Variants in DLG2 observed in about 807,000 individuals in gnomAD.
DLG2 encodes discs large MAGUK scaffold protein 2, also known as disks large homolog 2.
Under a neutral mutation model 132.5 loss-of-function variants are expected in DLG2, and 45 were observed. The ratio of observed to expected loss-of-function variants is 0.34; its 90% confidence interval spans 0.27 to 0.44. The LOEUF (loss-of-function observed/expected upper bound fraction) is 0.44, where lower values mean the gene tolerates loss of function less well. Ranked by LOEUF, DLG2 falls within the 20% of genes least tolerant of loss-of-function variation. The probability of loss-of-function intolerance (pLI) is 1.00; values close to 1 mark genes in which losing one functional copy is unlikely to be tolerated. For missense variants in DLG2, 1,045 were observed against 1,196.9 expected, an observed-to-expected ratio of 0.87 and a Z score of 1.87; for synonymous variants, 424 against 419.6, an observed-to-expected ratio of 1.01 and a Z score of -0.13.
At chr11:83,951,603 G>A (rs529988786) in intron 14 of DLG2, among the ~76,000 whole-genome samples, 14 of 152,274 alleles carry the variant, frequency 9.2e-5, no homozygotes, top group African/African-American at 2.6e-4. Context: ...GGCAGAAGGA[G>A]GGGCAAGCAC....
chr11:84,824,719 G>T (rs1470634740), intron 6 of DLG2, among the ~76,000 whole-genome samples: 1 of 151,810 alleles, frequency 6.6e-6, no homozygotes, highest in Non-Finnish European at 1.5e-5. Flanking sequence ...TGATGCCACT[G>T]GCCATGTTGT....
In DLG2 at chr11:84,072,362, C is replaced by T. The variant is rs116251100; in HGVS notation, c.750-12878G>A. ...CCAGACCCGGGTTGTCTGTTAAGTA[C>T]CTTTAAAGACAAATGCATATCCTGA... is the stretch of plus-strand genomic sequence containing the variant. On this transcript the variant is annotated intron_variant, in intron 10 of 27. Transcript: ENST00000376104. Among the ~76,000 whole-genome samples the T allele has an allele frequency of 5.5e-3, 841 of 152,292 alleles. 8 individuals are homozygous for T. Among genetic ancestry groups the T allele is most frequent in the African/African-American group, 0.019 (795 of 41,548 alleles).
chr11:83,880,634 A>C (rs2065968256), intron 15 of DLG2, among the ~76,000 whole-genome samples: 1 of 152,198 alleles, frequency 6.6e-6, no homozygotes, highest in African/African-American at 2.4e-5. Context: ...AGGAAGAATG[A>C]ATGGAGAATT....
intron 7 of DLG2, among the ~76,000 whole-genome samples, chr11:84,270,273 T>G (rs182621286): frequency 2.6e-4 from 40 of 152,210 alleles, no homozygotes; most frequent in Non-Finnish European, 3.7e-4. Context: ...GCCAGACACT[T>G]AGGCTAAAAG....
intron 22 of DLG2, among the ~76,000 whole-genome samples, chr11:83,477,479 T>C (rs1229545764): frequency 6.6e-6 from 1 of 152,046 alleles, no homozygotes; most frequent in East Asian, 1.9e-4. Flanking sequence ...AATTGATGTT[T>C]GTGTGTATCT....
intron 7 of DLG2, among the ~76,000 whole-genome samples, chr11:84,349,904 G>A (rs1202670406): frequency 2.0e-5 from 3 of 151,916 alleles, no homozygotes; most frequent in Admixed American, 6.6e-5. Flanking sequence ...TAGGCCGGGC[G>A]CGGTGGCTCA....
intron 7 of DLG2, among the ~76,000 whole-genome samples, chr11:84,502,214 CCTTCCT>C (rs1567803498): frequency 0.022 from 258 of 11,638 alleles, 63 homozygotes; most frequent in Admixed American, 0.043. Flanking sequence ...TTCCTTCCTT[CCTTCCT>C]TCCTTCCTTC....
intron 3 of DLG2, among the ~76,000 whole-genome samples, chr11:85,356,223 T>G (rs1295233061): frequency 6.6e-6 from 1 of 152,206 alleles, no homozygotes; most frequent in East Asian, 1.9e-4. Flanking sequence ...CTATAGCTCA[T>G]AGTAATTCCA....
At chr11:84,610,825 C>T (rs2099594094) in intron 6 of DLG2, among the ~76,000 whole-genome samples, 1 of 152,122 alleles carries the variant, frequency 6.6e-6, no homozygotes, top group African/African-American at 2.4e-5. Flanking sequence ...TACATAGCCA[C>T]AGATTACTGT....
chr11:84,330,555 A>G (rs1282343915), intron 7 of DLG2, among the ~76,000 whole-genome samples: 1 of 152,202 alleles, frequency 6.6e-6, no homozygotes, highest in East Asian at 1.9e-4. Flanking sequence ...CATACAGGAA[A>G]ACCTGTGCAA....
At chr11:85,420,617 G>C (rs940270734) in intron 3 of DLG2, among the ~76,000 whole-genome samples, 1 of 152,304 alleles carries the variant, frequency 6.6e-6, no homozygotes, top group East Asian at 1.9e-4. Context: ...CTTTCTTTCA[G>C]AGATGTCCTG....
chr11:84,788,247 T>C (rs1233252213), intron 6 of DLG2, among the ~76,000 whole-genome samples: 1 of 152,002 alleles, frequency 6.6e-6, no homozygotes. Context: ...TCTTTCCCCA[T>C]TACACTTCTC....
chr11:84,317,093 A>G (rs757435311), intron 7 of DLG2: 1 of 1,612,822 alleles, frequency 6.2e-7, no homozygotes. Context: ...GACGGCATCC[A>G]TCCCATCGGA....
chr11:84,746,004 A>G (rs1309811922), intron 6 of DLG2, among the ~76,000 whole-genome samples: 2 of 152,198 alleles, frequency 1.3e-5, no homozygotes, highest in African/African-American at 4.8e-5. Context: ...GTTCAGGTCT[A>G]TAAACATTAA....
chr11:84,645,874 A>G (rs1673323900), intron 6 of DLG2, among the ~76,000 whole-genome samples: 1 of 152,210 alleles, frequency 6.6e-6, no homozygotes, highest in African/African-American at 2.4e-5. Context: ...ACATATTTCC[A>G]GTGGGGCATC....
At chr11:83,543,108 T>C (rs1033668716) in intron 19 of DLG2, among the ~76,000 whole-genome samples, 1 of 152,064 alleles carries the variant, frequency 6.6e-6, no homozygotes, top group Non-Finnish European at 1.5e-5. Context: ...GCAGGAAAAG[T>C]ATAATTAATT....
intron 18 of DLG2, among the ~76,000 whole-genome samples, chr11:83,778,379 G>A (rs2094673962): frequency 6.6e-6 from 1 of 152,042 alleles, no homozygotes; most frequent in African/African-American, 2.4e-5. Context: ...TCTAGCACAA[G>A]GATTTATTTG....
At chr11:84,365,807 T>C (rs1600722046) in intron 7 of DLG2, among the ~76,000 whole-genome samples, 6 of 152,072 alleles carry the variant, frequency 3.9e-5, no homozygotes, top group South Asian at 2.1e-4. Flanking sequence ...TCAGTTTCCA[T>C]GTAGTTGAAA....
chr11:84,196,193 G>T (rs2096513249), intron 8 of DLG2, among the ~76,000 whole-genome samples: 1 of 152,144 alleles, frequency 6.6e-6, no homozygotes, highest in Admixed American at 6.6e-5. Context: ...CATTAAATAA[G>T]TGTCGAGTTA....
Sources: allele counts gnomAD v4.1 joint callset (sites outside exome capture counted in the v4.1 genomes callset), GRCh38; gene constraint gnomAD v4.1.1; transcripts MANE v1.5; gene names NCBI Gene and HGNC (gene_info 2026-07-23, HGNC 2026-07-21).